Variants in ELAPOR2 observed in about 807,000 individuals in gnomAD.
ELAPOR2 encodes endosome/lysosome-associated apoptosis and autophagy regulator family member 2.
Under a neutral mutation model 120.7 loss-of-function variants are expected in ELAPOR2, and 89 were observed. The ratio of observed to expected loss-of-function variants is 0.74; its 90% CI spans 0.62 to 0.88. The LOEUF is 0.88. ELAPOR2 is among the 40% of genes least tolerant of loss of function. The pLI, the probability that ELAPOR2 is intolerant of heterozygous loss-of-function variation, is 0.00. For synonymous variants in ELAPOR2, 444 were observed against 444.9 expected (o/e 1.00, Z 0.03); for missense variants, 1,134 against 1,251.6 (o/e 0.91, Z 1.42).
chr7:87,025,580 G>A (rs937956022), intron 1 of ELAPOR2, among the ~76,000 whole-genome samples: 1 of 151,954 alleles, frequency 6.6e-6, no homozygotes, highest in African/African-American at 2.4e-5. Context: ...ACACTCTGGT[G>A]CACACATAAC....
At chr7:86,912,889 T>C (rs1789380010) in intron 14 of ELAPOR2, 52 bp downstream of exon 14, 1 of 1,585,392 alleles carries the variant, frequency 6.3e-7, no homozygotes, top group Non-Finnish European at 8.6e-7. Flanking sequence ...CGCTTGAATT[T>C]CTCTATTAAA....
chr7:87,039,714 T>C (rs988619914), intron 1 of ELAPOR2, among the ~76,000 whole-genome samples: 17 of 152,150 alleles, frequency 1.1e-4, no homozygotes, highest in South Asian at 2.1e-4. Flanking sequence ...CATCCCTTTA[T>C]GATAAAAAAA....
chr7:87,032,822 T>C (rs1794463858), intron 1 of ELAPOR2, among the ~76,000 whole-genome samples: 2 of 152,154 alleles, frequency 1.3e-5, no homozygotes, highest in Non-Finnish European at 2.9e-5. Flanking sequence ...TGCACAGACA[T>C]GCTATCAAGA....
intron 19 of ELAPOR2, among the ~76,000 whole-genome samples, chr7:86,894,585 A>G (rs1021608647): frequency 1.3e-5 from 2 of 152,092 alleles, no homozygotes; most frequent in African/African-American, 2.4e-5. Context: ...AAGAATGCTT[A>G]ACTTTTCAAT....
chr7:86,890,000 A>G (rs1334369572), intron 21 of ELAPOR2, among the ~76,000 whole-genome samples: 3 of 151,844 alleles, frequency 2.0e-5, no homozygotes, highest in Non-Finnish European at 4.4e-5. Flanking sequence ...TTGGTGTCCT[A>G]TTGGTAGTAG....
chr7:86,900,432 A>G (rs540776385), intron 18 of ELAPOR2, among the ~76,000 whole-genome samples: 1 of 152,332 alleles, frequency 6.6e-6, no homozygotes, highest in East Asian at 1.9e-4. Context: ...GGATAAAATG[A>G]GTGAACAATT....
chr7:86,933,505 T>C (rs1189042251), intron 8 of ELAPOR2, among the ~76,000 whole-genome samples: 1 of 151,970 alleles, frequency 6.6e-6, no homozygotes, highest in Non-Finnish European at 1.5e-5. Flanking sequence ...GGTTTCGTTA[T>C]AATCTCACAA....
In ELAPOR2 at chr7:86,919,205, A is replaced by T; in HGVS notation, c.1490+15T>A. The T allele has an allele frequency of 6.3e-7, 1 of 1,578,288 alleles. No homozygotes were observed. The highest frequency in any genetic ancestry group is 2.2e-5 in the East Asian group (1 of 44,476). ...AAGGATTCTTACAGAAAAGAATTAG[A>T]ATTGTTTTCCTTACTTAAATCCTGG... On this transcript the variant is annotated intron_variant, in intron 11 of 21. Coordinates refer to ENST00000450689, the MANE Select transcript of ELAPOR2 (RefSeq NM_001142749.3).
intron 2 of ELAPOR2, among the ~76,000 whole-genome samples, chr7:86,954,205 G>C (rs1791382174): frequency 6.6e-6 from 1 of 152,120 alleles, no homozygotes; most frequent in African/African-American, 2.4e-5. Context: ...AAAATAAAGA[G>C]TGTTGAAAAT....
chr7:86,966,983 T>C (rs1453150293), intron 1 of ELAPOR2, among the ~76,000 whole-genome samples: 1 of 152,152 alleles, frequency 6.6e-6, no homozygotes, highest in Non-Finnish European at 1.5e-5. Context: ...AAGTCCTATT[T>C]TGTCATATAA....
chr7:87,051,795 C>G (rs970160950), intron 1 of ELAPOR2, among the ~76,000 whole-genome samples: 1 of 152,246 alleles, frequency 6.6e-6, no homozygotes, highest in East Asian at 1.9e-4. Context: ...GCTAACCATA[C>G]TCTCTTAATA....
chr7:86,910,635 A>G (rs1413590374), intron 15 of ELAPOR2, among the ~76,000 whole-genome samples: 1 of 152,136 alleles, frequency 6.6e-6, no homozygotes, highest in Non-Finnish European at 1.5e-5. Context: ...AATTTTGAAA[A>G]TAATTGGAAG....
intron 1 of ELAPOR2, among the ~76,000 whole-genome samples, chr7:87,009,201 A>G (rs1005557742): frequency 6.6e-6 from 1 of 152,232 alleles, no homozygotes; most frequent in African/African-American, 2.4e-5. Context: ...GTGAATTTTG[A>G]TAATTACTAC....
At chr7:86,885,402 T>C (rs1031773658) in intron 21 of ELAPOR2, among the ~76,000 whole-genome samples, 9 of 152,158 alleles carry the variant, frequency 5.9e-5, no homozygotes, top group Non-Finnish European at 8.8e-5. Context: ...CATTGGAAGT[T>C]GGTTGGATCA....
At chr7:86,911,196 C>T (rs973692980) in intron 15 of ELAPOR2, among the ~76,000 whole-genome samples, 3 of 152,076 alleles carry the variant, frequency 2.0e-5, no homozygotes, top group African/African-American at 7.2e-5. Flanking sequence ...TGGCACATAA[C>T]AGGTATTTAA....
chr7:86,931,164 G>A (rs1790307185), intron 8 of ELAPOR2, among the ~76,000 whole-genome samples: 1 of 151,886 alleles, frequency 6.6e-6, no homozygotes, highest in Non-Finnish European at 1.5e-5. Flanking sequence ...TCTGAAAACT[G>A]GGTACAGGAA....
At chr7:86,891,226 T>C (rs1189720374) in intron 21 of ELAPOR2, 1 of 152,074 alleles carries the variant, frequency 6.6e-6, no homozygotes, top group African/African-American at 2.4e-5. Context: ...GCCCCCACTT[T>C]TATATTATAA....
At chr7:87,006,909 A>C (rs1157707307) in intron 1 of ELAPOR2, among the ~76,000 whole-genome samples, 1 of 152,234 alleles carries the variant, frequency 6.6e-6, no homozygotes, top group Non-Finnish European at 1.5e-5. Context: ...AACAATGTGG[A>C]TGAATCTCAA....
At chr7:86,960,960 A>G (rs902829741) in intron 2 of ELAPOR2, among the ~76,000 whole-genome samples, 1 of 152,178 alleles carries the variant, frequency 6.6e-6, no homozygotes, top group Non-Finnish European at 1.5e-5. Context: ...GAAGTTTATA[A>G]CCAATTATTC....
Sources: allele counts gnomAD v4.1 joint callset (sites outside exome capture counted in the v4.1 genomes callset), GRCh38; gene constraint gnomAD v4.1.1; transcripts MANE v1.5; gene names NCBI Gene and HGNC (gene_info 2026-07-23, HGNC 2026-07-21).